ABCA12: variants seen among roughly 807,000 people sequenced by gnomAD.
ABCA12 encodes glucosylceramide transporter ABCA12.
ABCA12 carries 156 observed loss-of-function variants against 293.5 expected under a neutral mutation model. That is an observed-to-expected ratio of 0.53 (90% CI 0.47 to 0.61). ABCA12 has a LOEUF of 0.61. Ranked by LOEUF, ABCA12 falls within the 20% of genes least tolerant of loss-of-function variation. The pLI is 0.00. For synonymous variants in ABCA12, 1,063 were observed against 1,108.0 expected, an observed-to-expected ratio of 0.96 and a Z score of 0.81; for missense variants, 2,797 against 3,090.2, an observed-to-expected ratio of 0.91 and a Z score of 2.25.
intron 35 of ABCA12, 130 bp from the exon 36 acceptor site, chr2:214,974,172 A>G (rs1699454682): frequency 1.2e-6 from 1 of 850,894 alleles, no homozygotes; most frequent in Non-Finnish European, 2.0e-6. Flanking sequence ...CTGATTTTTC[A>G]TAACTTCAGT....
chr2:215,045,812 A>T (rs764894432), intron 7 of ABCA12, 25 bp downstream of exon 7: 8 of 1,600,668 alleles, frequency 5.0e-6, no homozygotes, highest in Non-Finnish European at 6.8e-6. Flanking sequence ...CACTAATATT[A>T]CATTTAATTC....
chr2:215,038,968 A>G (rs1207073127), intron 7 of ABCA12: 1 of 152,230 alleles, frequency 6.6e-6, no homozygotes, highest in Admixed American at 6.5e-5. Context: ...TTCATCATAT[A>G]AAAATGGAAA....
chr2:214,955,941 A>G (rs1466018669), intron 42 of ABCA12, among the ~76,000 whole-genome samples: 1 of 152,206 alleles, frequency 6.6e-6, no homozygotes, highest in Admixed American at 6.5e-5. Flanking sequence ...GCTCAGAAAT[A>G]TGAGTTTAAT....
chr2:214,991,950 G>A (rs1301293122), intron 23 of ABCA12, among the ~76,000 whole-genome samples: 2 of 152,106 alleles, frequency 1.3e-5, no homozygotes, highest in East Asian at 3.9e-4. Context: ...GTTGATGAGT[G>A]CAGCGAACCA....
rs71399166 is a variant in ABCA12 at position 214,983,950 on chromosome 2, G to GA, written c.4164-86dup. The stretch of plus-strand genomic sequence containing the variant: ...ATAACTATATCTCAGTTGTTAGAAG[G>GA]AAAAAATACAGTGTATCTTCTCAGT... On this transcript the variant is annotated intron_variant, in intron 28 of 52. Coordinates refer to ENST00000272895, the MANE Select transcript of ABCA12 (RefSeq NM_173076.3). The GA allele has an allele frequency of 0.46, 517,490 of 1,124,388 alleles. 130,048 individuals carry two copies. Among genetic ancestry groups the GA allele is most frequent in the South Asian group, 0.53 (38,905 of 73,564 alleles). 69.7% of individuals were successfully genotyped at this position (1,124,388 alleles called of 1,614,324 possible).
In ABCA12 at chr2:214,932,649, G is replaced by GTCA. The variant is rs758845693; in HGVS notation, c.7770_7772dup (p.Asp2591dup). The GTCA allele has an allele frequency of 6.2e-7, 1 of 1,612,566 alleles. No homozygotes were observed. The highest frequency in any genetic ancestry group is 8.5e-7 in the Non-Finnish European group (1 of 1,178,836). Reference sequence around the variant, plus strand: ...GCTGGAAGTGTTAAGACTCCATCTGGTCATCTTGTGAGTCAACACTTATAG... The same window carrying GTCA: ...GCTGGAAGTGTTAAGACTCCATCTGGTCATCATCTTGTGAGTCAACACTTATAG... On this transcript the variant is annotated inframe_insertion, in exon 53 of 53. Transcript: ENST00000272895.
chr2:214,933,926 A>AATTG (rs1698140553), intron 52 of ABCA12, 152 bp downstream of exon 52: 2 of 770,870 alleles, frequency 2.6e-6, no homozygotes, highest in Non-Finnish European at 4.1e-6. Context: ...TTAAGTGAGA[A>AATTG]ATTGATTAGG....
At chr2:215,061,184 T>G (rs924964285) in intron 3 of ABCA12, among the ~76,000 whole-genome samples, 1 of 152,206 alleles carries the variant, frequency 6.6e-6, no homozygotes, top group South Asian at 2.1e-4. Flanking sequence ...CGTAATAGTT[T>G]CTTTTTTCAG....
Position 214,966,887 on chromosome 2 carries a change from G to C in ABCA12, c.5845C>G (p.Leu1949Val). Residue 1949 changes from leucine (L) to valine (V), a missense_variant, in exon 39 of 53, where the codon CTG (leucine) becomes GTG (valine). Leu to Val is a conservative substitution (Grantham distance 32). Transcript: ENST00000272895. ...AYLNSLNNFL[L>V]RVNMSKYDAA... ...TCGTATTTTGACATGTTAACTCGCAGAAGGAAATTATTCAGGCTGTTGAGG... is the reference window on the plus strand; with the variant it reads ...TCGTATTTTGACATGTTAACTCGCACAAGGAAATTATTCAGGCTGTTGAGG... The C allele has an allele frequency of 1.2e-6, 2 of 1,613,880 alleles. No homozygotes were observed. The highest frequency in any genetic ancestry group is 1.7e-6 in the Non-Finnish European group (2 of 1,179,828).
At chr2:215,005,637 G>A (rs1700236318) in intron 19 of ABCA12, among the ~76,000 whole-genome samples, 1 of 152,228 alleles carries the variant, frequency 6.6e-6, no homozygotes, top group African/African-American at 2.4e-5. Context: ...AACAAATAAA[G>A]TACTGTGTTA....
intron 48 of ABCA12, among the ~76,000 whole-genome samples, chr2:214,945,583 C>T (rs1698556667): frequency 2.0e-5 from 3 of 152,128 alleles, no homozygotes; most frequent in South Asian, 2.1e-4. Flanking sequence ...TGAAATCTAA[C>T]ACTCCTTGGG....
intron 2 of ABCA12, among the ~76,000 whole-genome samples, chr2:215,094,570 C>G (rs1006782452): frequency 6.6e-6 from 1 of 152,152 alleles, no homozygotes; most frequent in African/African-American, 2.4e-5. Flanking sequence ...AGGTCACAAG[C>G]CACTAGCCTG....
chr2:215,074,600 C>T (rs2106086458), intron 2 of ABCA12, among the ~76,000 whole-genome samples: 1 of 152,144 alleles, frequency 6.6e-6, no homozygotes, highest in African/African-American at 2.4e-5. Context: ...CAAAGAAATA[C>T]AGAAACGTGA....
chr2:214,964,194 A>G (rs1699195104), intron 39 of ABCA12, among the ~76,000 whole-genome samples: 1 of 151,864 alleles, frequency 6.6e-6, no homozygotes, highest in African/African-American at 2.4e-5. Flanking sequence ...CCCTTTTGTT[A>G]AAAACTCAAA....
Position 214,978,480 on chromosome 2 carries a change from C to T in ABCA12, c.4978-14G>A, listed in dbSNP as rs1466890482. ...GTTCAGAAAGACCTAGAAAGAGAAGCCAGATCACTTCATTAACATGAAAAG... is the reference window on the plus strand; with the variant it reads ...GTTCAGAAAGACCTAGAAAGAGAAGTCAGATCACTTCATTAACATGAAAAG... On this transcript the variant is annotated splice_polypyrimidine_tract_variant and intron_variant, in intron 32 of 52. Coordinates refer to ENST00000272895, the MANE Select transcript of ABCA12 (RefSeq NM_173076.3). The T allele has an allele frequency of 6.2e-7, 1 of 1,612,042 alleles. No individual in the cohort carries two copies. Among genetic ancestry groups the T allele is most frequent in the Non-Finnish European group, 8.5e-7 (1 of 1,178,894 alleles).
At chr2:214,980,798 T>G (rs1699631179) in intron 30 of ABCA12, among the ~76,000 whole-genome samples, 155 bp from the exon 31 acceptor site, 2 of 152,020 alleles carry the variant, frequency 1.3e-5, no homozygotes, top group Non-Finnish European at 2.9e-5. Flanking sequence ...GCTTCCAAAA[T>G]GATGCAAGAA....
At chr2:214,960,808 G>C (rs1699090906) in intron 39 of ABCA12, among the ~76,000 whole-genome samples, 1 of 152,008 alleles carries the variant, frequency 6.6e-6, no homozygotes, top group African/African-American at 2.4e-5. Context: ...AAAGAGCCTA[G>C]TTGTATAACA....
intron 52 of ABCA12, among the ~76,000 whole-genome samples, chr2:214,933,537 T>C (rs1484569890): frequency 6.6e-6 from 1 of 152,204 alleles, no homozygotes; most frequent in Non-Finnish European, 1.5e-5. Flanking sequence ...TGTGCAAAAT[T>C]AAGACAGTAC....
rs537918616 is a variant in ABCA12, at chr2:215,134,126, C to T, written c.69+4014G>A. On this transcript the variant is annotated intron_variant, in intron 1 of 52. Transcript: ENST00000272895. The stretch of plus-strand genomic sequence containing the variant: ...AGTCACCACCAAAATTAAAGATTCC[C>T]TTTTTTATAGCCAAACTAAATATTT... Among the ~76,000 whole-genome samples, 5 of 151,804 alleles carry T rather than the reference C, an allele frequency of 3.3e-5. No homozygotes were observed. In the East Asian group the frequency reaches 9.7e-4, roughly 29 times the overall value.
Sources: allele counts gnomAD v4.1 joint callset (sites outside exome capture counted in the v4.1 genomes callset), GRCh38; gene constraint gnomAD v4.1.1; transcripts MANE v1.5; gene names NCBI Gene and HGNC (gene_info 2026-07-23, HGNC 2026-07-21).